The following ADAMTS19 variants were observed in gnomAD, a reference collection of about 807,000 sequenced individuals.
ADAMTS19 encodes the protein ADAM metallopeptidase with thrombospondin type 1 motif 19.
In ADAMTS19, 93 loss-of-function variants were observed where a neutral mutation model predicts 153.3. The observed-to-expected ratio is 0.61, with a 90% CI of 0.51 to 0.72. ADAMTS19 has a LOEUF of 0.72. Among genes scored for constraint, ADAMTS19 ranks in the 30% least tolerant of loss-of-function variants. ADAMTS19 has a pLI of 0.00. For synonymous variants in ADAMTS19, 600 were observed against 556.6 expected (o/e 1.08, Z -1.10); for missense variants, 1,482 against 1,552.1 (o/e 0.95, Z 0.76).
At chr5:129,725,956 G>A (rs1757193076) in intron 21 of ADAMTS19, among the ~76,000 whole-genome samples, 1 of 152,084 alleles carries the variant, frequency 6.6e-6, no homozygotes, top group Non-Finnish European at 1.5e-5. Context: ...TATCACTACG[G>A]CAATGGAACA....
At chr5:129,525,215 C>T (rs1751966405) in intron 3 of ADAMTS19, among the ~76,000 whole-genome samples, 1 of 151,834 alleles carries the variant, frequency 6.6e-6, no homozygotes, top group African/African-American at 2.4e-5. Flanking sequence ...TTTAGTAGAC[C>T]CTGCAAACTA....
chr5:129,498,798 A>ATATTT (rs1751007521), intron 2 of ADAMTS19, among the ~76,000 whole-genome samples: 1 of 134,186 alleles, frequency 7.5e-6, no homozygotes, highest in South Asian at 2.3e-4. Flanking sequence ...CATTCACTCT[A>ATATTT]TTTTTTTTTT....
intron 2 of ADAMTS19, among the ~76,000 whole-genome samples, chr5:129,468,403 G>A (rs1418009973): frequency 6.6e-6 from 1 of 152,112 alleles, no homozygotes; most frequent in East Asian, 1.9e-4. Flanking sequence ...TGCCAGGCTG[G>A]AATGCAGTGG....
intron 16 of ADAMTS19, among the ~76,000 whole-genome samples, chr5:129,668,726 C>CT (rs1223985201): frequency 1.3e-5 from 2 of 152,028 alleles, no homozygotes; most frequent in African/African-American, 2.4e-5. Flanking sequence ...ATGTGGGTAT[C>CT]TTTTTCCCCC....
intron 18 of ADAMTS19, among the ~76,000 whole-genome samples, chr5:129,690,697 AAAGATCTAGG>A (rs1259521901): frequency 1.3e-5 from 2 of 152,180 alleles, no homozygotes; most frequent in African/African-American, 4.8e-5. Context: ...AGCATTTTAC[AAAGATCTAGG>A]AAGCGCTCAG....
chr5:129,685,971 G>T (rs1013596790), intron 18 of ADAMTS19, among the ~76,000 whole-genome samples: 1 of 152,196 alleles, frequency 6.6e-6, no homozygotes, highest in Admixed American at 6.5e-5. Flanking sequence ...TGTCAATAAA[G>T]GCTATCTGGC....
chr5:129,607,615 A>G (rs1439048942), intron 8 of ADAMTS19, among the ~76,000 whole-genome samples: 1 of 152,202 alleles, frequency 6.6e-6, no homozygotes, highest in African/African-American at 2.4e-5. Flanking sequence ...TAATGGCAGT[A>G]TATTTTTCCC....
intron 10 of ADAMTS19, among the ~76,000 whole-genome samples, chr5:129,630,170 T>A (rs1752224952): frequency 6.6e-6 from 1 of 152,090 alleles, no homozygotes; most frequent in Non-Finnish European, 1.5e-5. Context: ...TTGAAGCCAA[T>A]GCACAGACTG....
intron 14 of ADAMTS19, 106 bp from the exon 15 acceptor site, chr5:129,658,511 A>G: frequency 9.0e-7 from 1 of 1,114,960 alleles, no homozygotes; most frequent in Non-Finnish European, 1.2e-6. Flanking sequence ...CATAAGTTTT[A>G]CAATTAAATA....
chr5:129,529,346 C>T (rs1358063420), intron 6 of ADAMTS19, among the ~76,000 whole-genome samples: 2 of 151,962 alleles, frequency 1.3e-5, no homozygotes, highest in South Asian at 2.1e-4. Flanking sequence ...ATCACAGTAG[C>T]GTAAATTACA....
At chr5:129,489,716 T>G (rs1205358215) in intron 2 of ADAMTS19, among the ~76,000 whole-genome samples, 1 of 152,114 alleles carries the variant, frequency 6.6e-6, no homozygotes, top group Non-Finnish European at 1.5e-5. Flanking sequence ...CTGGGCTCTC[T>G]TAAATTAAGA....
chr5:129,632,060 T>G (rs1752321633), intron 10 of ADAMTS19, among the ~76,000 whole-genome samples: 1 of 152,008 alleles, frequency 6.6e-6, no homozygotes, highest in Non-Finnish European at 1.5e-5. Flanking sequence ...AAGGGCCAGA[T>G]AGTAAATATA....
intron 6 of ADAMTS19, among the ~76,000 whole-genome samples, chr5:129,539,867 T>A (rs556267033): frequency 6.6e-6 from 1 of 152,042 alleles, no homozygotes; most frequent in Non-Finnish European, 1.5e-5. Flanking sequence ...CTGTGGAGGA[T>A]CACCCTTTCT....
chr5:129,563,905 T>C (rs1042464825), intron 7 of ADAMTS19, among the ~76,000 whole-genome samples: 6 of 152,030 alleles, frequency 3.9e-5, no homozygotes, highest in Admixed American at 3.3e-4. Context: ...CTTTAAGACA[T>C]GGAGATCTAA....
intron 21 of ADAMTS19, among the ~76,000 whole-genome samples, chr5:129,722,760 T>C (rs1581263453): frequency 6.6e-6 from 1 of 152,180 alleles, no homozygotes; most frequent in East Asian, 1.9e-4. Flanking sequence ...CCATAAGTAA[T>C]ACAATTTCAG....
At chr5:129,584,365 C>A (rs1439739072) in intron 7 of ADAMTS19, among the ~76,000 whole-genome samples, 1 of 152,184 alleles carries the variant, frequency 6.6e-6, no homozygotes, top group Non-Finnish European at 1.5e-5. Flanking sequence ...ATTCAGGAGG[C>A]ACGGGGGTCA....
intron 13 of ADAMTS19, among the ~76,000 whole-genome samples, chr5:129,650,349 C>T (rs547285649): frequency 3.1e-4 from 47 of 152,228 alleles, no homozygotes; most frequent in African/African-American, 9.6e-4. Flanking sequence ...TTACACTCTT[C>T]TCAATAACCT....
At chr5:129,658,773 C>T (rs1285473809) in intron 15 of ADAMTS19, 36 bp downstream of exon 15, 10 of 1,569,524 alleles carry the variant, frequency 6.4e-6, no homozygotes, top group South Asian at 2.4e-5. Context: ...ATATTAATCC[C>T]TGCAATCTTT....
chr5:129,562,897 G>A (rs1459966840), intron 7 of ADAMTS19, among the ~76,000 whole-genome samples: 1 of 151,556 alleles, frequency 6.6e-6, no homozygotes, highest in Admixed American at 6.6e-5. Flanking sequence ...TTCTGTCTTT[G>A]AGCAGGTTGG....
Sources: gnomAD v4.1 joint callset for allele counts (sites outside exome capture counted in the v4.1 genomes callset) on GRCh38, gnomAD v4.1.1 for gene constraint, MANE v1.5 for transcripts, NCBI Gene and HGNC (gene_info 2026-07-23, HGNC 2026-07-21) for gene names.